ERG: variants seen among roughly 807,000 people sequenced by gnomAD.
ERG encodes the protein ETS transcription factor ERG.
Under a neutral mutation model 55.3 loss-of-function variants are expected in ERG, and 9 were observed. The observed-to-expected ratio is 0.16, with a 90% confidence interval of 0.10 to 0.28. The LOEUF is 0.28. Ranked by LOEUF, ERG falls within the 10% of genes least tolerant of loss-of-function variation. The pLI, the probability that ERG is intolerant of heterozygous loss-of-function variation, is 1.00. For missense variants in ERG, 434 were observed against 631.6 expected (o/e 0.69, Z 3.35); for synonymous variants, 223 against 237.3 (o/e 0.94, Z 0.55).
chr21:38,566,134 A>G (rs539715584), intron 2 of ERG, among the ~76,000 whole-genome samples: 3 of 152,302 alleles, frequency 2.0e-5, no homozygotes, highest in South Asian at 2.1e-4. Flanking sequence ...TCTGGTATCA[A>G]TGATCATTCT....
chr21:38,472,972 G>A (rs2059152938), intron 1 of ERG, among the ~76,000 whole-genome samples: 2 of 152,130 alleles, frequency 1.3e-5, no homozygotes, highest in Admixed American at 6.5e-5. Context: ...CTCCTCGGCT[G>A]ACCTCGGCTC....
upstream of ERG, among the ~76,000 whole-genome samples, chr21:38,587,588 C>T (rs2060074282): frequency 6.6e-6 from 1 of 152,166 alleles, no homozygotes; most frequent in South Asian, 2.1e-4. Context: ...AATCTCCTGA[C>T]CTCGTGATCC....
chr21:38,551,802 G>T (rs56080396), intron 2 of ERG, among the ~76,000 whole-genome samples: 76,684 of 151,944 alleles, frequency 0.5, 20,659 homozygotes, highest in Non-Finnish European at 0.62. Flanking sequence ...TAGGTGAAAA[G>T]AATGCATATT....
At chr21:38,478,801 A>G (rs2059212020) in intron 1 of ERG, among the ~76,000 whole-genome samples, 1 of 152,216 alleles carries the variant, frequency 6.6e-6, no homozygotes, top group Non-Finnish European at 1.5e-5. Context: ...CAGTCTTAGG[A>G]CTGTGTAGGT....
rs535508717 is a variant in ERG at position 38,515,085 on chromosome 21, A to G, written c.-41+60577T>C. On this transcript the variant is annotated intron_variant, in intron 2 of 8. Transcript: ENST00000398897. ...TACAAAATATTATTAAAAGAAGACC[A>G]AAATAAATGGATAGATATATTCATG... 1.3e-3 allele frequency among the ~76,000 whole-genome samples: 194 copies of G among 152,154 alleles called. 2 individuals carry two copies. The highest frequency in any genetic ancestry group is 2.7e-3 in the Admixed American group (41 of 15,296).
At chr21:38,427,849 T>C (rs1989909017) in intron 2 of ERG, among the ~76,000 whole-genome samples, 1 of 151,294 alleles carries the variant, frequency 6.6e-6, no homozygotes, top group Non-Finnish European at 1.5e-5. Flanking sequence ...GAAAGAGGAG[T>C]GATTCCTGGA....
intron 2 of ERG, among the ~76,000 whole-genome samples, chr21:38,572,581 C>T (rs766560466): frequency 2.0e-5 from 3 of 151,970 alleles, no homozygotes; most frequent in South Asian, 2.1e-4. Context: ...AATAATTATT[C>T]GAATTCTAAT....
At chr21:38,625,201 G>A (rs2060317014) in intron 1 of ERG, among the ~76,000 whole-genome samples, 1 of 151,974 alleles carries the variant, frequency 6.6e-6, no homozygotes, top group Non-Finnish European at 1.5e-5. Flanking sequence ...AAAAAGTGCT[G>A]ACTCATTTCA....
chr21:38,655,458 C>T (rs1291388458), intron 1 of ERG, among the ~76,000 whole-genome samples: 1 of 152,192 alleles, frequency 6.6e-6, no homozygotes, highest in African/African-American at 2.4e-5. Flanking sequence ...ATTGCACTAG[C>T]ATTCAGCATC....
At chr21:38,473,177 A>G (rs2059156224) in intron 1 of ERG, among the ~76,000 whole-genome samples, 2 of 151,710 alleles carry the variant, frequency 1.3e-5, no homozygotes, top group African/African-American at 4.8e-5. Context: ...AAAAAAAAAA[A>G]AAGGCTTAGA....
At chr21:38,488,899 G>A (rs981247770) in intron 1 of ERG, among the ~76,000 whole-genome samples, 3 of 152,310 alleles carry the variant, frequency 2.0e-5, no homozygotes, top group South Asian at 4.1e-4. Flanking sequence ...GGATGAGAAC[G>A]AGGTACTGTA....
At chr21:38,461,131 C>G (rs1049649233) in intron 1 of ERG, among the ~76,000 whole-genome samples, 2 of 152,186 alleles carry the variant, frequency 1.3e-5, no homozygotes, top group Non-Finnish European at 2.9e-5. Context: ...GCTTAAGCAA[C>G]AGACATTTAT....
At chr21:38,537,358 A>G (rs1460652082) in intron 2 of ERG, among the ~76,000 whole-genome samples, 2 of 152,124 alleles carry the variant, frequency 1.3e-5, no homozygotes, top group South Asian at 2.1e-4. Flanking sequence ...CAAGCTATCA[A>G]CAAAGTCAAA....
intron 1 of ERG, among the ~76,000 whole-genome samples, chr21:38,629,246 G>C (rs1186635291): frequency 6.6e-6 from 1 of 152,166 alleles, no homozygotes; most frequent in Admixed American, 6.5e-5. Flanking sequence ...AAGGCAGATT[G>C]CCCATTCTCT....
At position 38,393,145 on chromosome 21, in the gene ERG, A is replaced by T. The variant is rs966004158; in HGVS notation, c.746-701T>A. On this transcript the variant is annotated intron_variant, in intron 6 of 9. Transcript: ENST00000288319. ...ATAGTATTGCTCCCACAGCCCATTA[A>T]TGATGACCTTCTGAGCTTAAGCATA... Among the ~76,000 whole-genome samples the T allele has an allele frequency of 5.3e-5, 8 of 152,238 alleles. No individual in the cohort carries two copies. In the South Asian group the frequency reaches 6.2e-4, roughly 12 times the overall value.
At position 38,483,958 on chromosome 21, in the gene ERG, A is replaced by G. The variant is rs138533934; in HGVS notation, c.18+14405T>C. Among the ~76,000 whole-genome samples, 930 of 152,320 alleles carry G rather than the reference A, an allele frequency of 6.1e-3. 9 individuals carry two copies. The highest frequency in any genetic ancestry group is 0.024 in the Middle Eastern group (7 of 294). ...CACTGATTCATGCACTCACTCATGC[A>G]TTTGTCATGCAGGAAGTTATTTATT... On this transcript the variant is annotated intron_variant, in intron 1 of 9. Coordinates refer to ENST00000288319, the MANE Select transcript of ERG (RefSeq NM_182918.4).
intron 1 of ERG, chr21:38,450,951 G>A (rs1251635780): frequency 2.2e-6 from 1 of 452,918 alleles, no homozygotes; most frequent in Non-Finnish European, 4.4e-6. Context: ...AACATCAACA[G>A]TGAGGATGAG....
intron 1 of ERG, among the ~76,000 whole-genome samples, chr21:38,473,272 T>C (rs2146628365): frequency 6.6e-6 from 1 of 152,082 alleles, no homozygotes; most frequent in Non-Finnish European, 1.5e-5. Context: ...ATCTGGATAT[T>C]ACCCACACTC....
In ERG at chr21:38,422,149, G is replaced by A. The variant is rs571153512; in HGVS notation, c.388+1261C>T. Among the ~76,000 whole-genome samples, 77 of 152,382 alleles carry A rather than the reference G, an allele frequency of 5.1e-4. 1 individual carries two copies. Among genetic ancestry groups the A allele is most frequent in the African/African-American group, 1.8e-3 (75 of 41,596 alleles). On this transcript the variant is annotated intron_variant, in intron 3 of 9. Coordinates refer to ENST00000288319, the MANE Select transcript of ERG (RefSeq NM_182918.4). ...AGCAATTCCAGACGGAAGTGCTCAG[G>A]ACTGGCCTCCCTGAGGCCATGACAT...
Sources: allele counts gnomAD v4.1 joint callset (sites outside exome capture counted in the v4.1 genomes callset), GRCh38; gene constraint gnomAD v4.1.1; transcripts MANE v1.5; gene names NCBI Gene and HGNC (gene_info 2026-07-23, HGNC 2026-07-21).